Variants in VWA8 observed in about 807,000 individuals in gnomAD.
VWA8 encodes the protein von Willebrand factor A domain-containing protein 8.
Under a neutral mutation model 241.5 loss-of-function variants are expected in VWA8, and 221 were observed. The ratio of observed to expected loss-of-function variants is 0.91; its 90% CI spans 0.82 to 1.02. The LOEUF is 1.02. VWA8 is among the 50% of genes least tolerant of loss of function. The pLI, the probability that VWA8 is intolerant of heterozygous loss-of-function variation, is 0.00. For synonymous variants in VWA8, 852 were observed against 827.1 expected (o/e 1.03, Z -0.52); for missense variants, 2,322 against 2,328.7 (o/e 1.00, Z 0.06).
chr13:41,658,507 T>C (rs2044925091), intron 37 of VWA8, among the ~76,000 whole-genome samples: 1 of 152,204 alleles, frequency 6.6e-6, no homozygotes, highest in Non-Finnish European at 1.5e-5. Flanking sequence ...CACGATTACC[T>C]CACACAGCAT....
intron 21 of VWA8, among the ~76,000 whole-genome samples, chr13:41,746,965 C>T (rs1027059368): frequency 6.6e-6 from 1 of 152,282 alleles, no homozygotes; most frequent in Admixed American, 6.5e-5. Context: ...ATGGATTCAG[C>T]ACAATAAACT....
chr13:41,841,538 G>A (rs1445026637), intron 12 of VWA8, among the ~76,000 whole-genome samples: 1 of 151,612 alleles, frequency 6.6e-6, no homozygotes, highest in Non-Finnish European at 1.5e-5. Flanking sequence ...TGTAATCCCA[G>A]CACTTTGGGA....
At chr13:41,596,400 C>T (rs187041855) in intron 40 of VWA8, among the ~76,000 whole-genome samples, 2 of 152,188 alleles carry the variant, frequency 1.3e-5, no homozygotes, top group Non-Finnish European at 1.5e-5. Context: ...AAAATATTTA[C>T]TGTTTTGGAC....
rs150531941 is a variant in VWA8 at position 41,861,524 on chromosome 13, A to G, written c.1425+4212T>C. On this transcript the variant is annotated intron_variant, in intron 12 of 44. Transcript: ENST00000379310. ...GTCAAGCTATCTTTCTTCACAGATT[A>G]TATGATTCTACACCTAAAAAACCCT... Among the ~76,000 whole-genome samples, 960 of 152,322 alleles carry G rather than the reference A, an allele frequency of 6.3e-3. 7 individuals carry two copies. The highest frequency in any genetic ancestry group is 0.022 in the African/African-American group (912 of 41,566).
chr13:41,777,147 C>T (rs1298458112), intron 20 of VWA8, among the ~76,000 whole-genome samples: 4 of 152,102 alleles, frequency 2.6e-5, no homozygotes, highest in African/African-American at 7.2e-5. Flanking sequence ...GTAACAGGTA[C>T]CATGCTAGGA....
chr13:41,811,632 A>C (rs1160094233), intron 16 of VWA8, among the ~76,000 whole-genome samples: 2 of 152,184 alleles, frequency 1.3e-5, no homozygotes, highest in East Asian at 3.8e-4. Context: ...TTACATAACA[A>C]AGGTCACACT....
At chr13:41,852,979 A>G (rs1441539801) in intron 12 of VWA8, among the ~76,000 whole-genome samples, 3 of 152,132 alleles carry the variant, frequency 2.0e-5, no homozygotes, top group African/African-American at 7.2e-5. Context: ...CATTTCTGTG[A>G]AAAATGTCAT....
chr13:41,654,569 C>T lies in VWA8; in HGVS notation c.4611+16377G>A, dbSNP rs115865225. Among the ~76,000 whole-genome samples the T allele has an allele frequency of 4.2e-3, 639 of 152,298 alleles. 6 individuals are homozygous for T. The highest frequency in any genetic ancestry group is 0.015 in the African/African-American group (621 of 41,558). ...TGCACAGTTCACACAAGAGGGTTCA[C>T]GCTCCTGTGAGAATCTACTGCTGCT... On this transcript the variant is annotated intron_variant, in intron 37 of 44. Transcript: ENST00000379310.
chr13:41,769,444 T>C (rs974425199), intron 20 of VWA8, among the ~76,000 whole-genome samples: 1 of 152,232 alleles, frequency 6.6e-6, no homozygotes, highest in Non-Finnish European at 1.5e-5. Flanking sequence ...TCATTGAGGC[T>C]GGGTGATGAA....
intron 24 of VWA8, among the ~76,000 whole-genome samples, chr13:41,726,010 T>G (rs1044337034): frequency 2.0e-5 from 3 of 152,234 alleles, no homozygotes. Context: ...AGAAATTCTA[T>G]GCATATACAA....
intron 44 of VWA8, among the ~76,000 whole-genome samples, chr13:41,569,645 A>ATT (rs769186344): frequency 0.011 from 1,607 of 140,082 alleles, 27 homozygotes; most frequent in African/African-American, 0.039. Context: ...TTAGGCAGGG[A>ATT]TTTTTTTTTT....
chr13:41,634,490 A>G (rs919681052), intron 37 of VWA8, among the ~76,000 whole-genome samples: 2 of 152,190 alleles, frequency 1.3e-5, no homozygotes, highest in East Asian at 3.8e-4. Context: ...TAATATAGAT[A>G]GAGTTTGAGG....
chr13:41,830,499 T>C, intron 14 of VWA8, 30 bp downstream of exon 14: 1 of 1,512,014 alleles, frequency 6.6e-7, no homozygotes, highest in Non-Finnish European at 9.1e-7. Context: ...AACAATAAAT[T>C]AGCAATGGGA....
chr13:41,883,856 T>C (rs1566493844), intron 8 of VWA8, among the ~76,000 whole-genome samples: 1 of 152,212 alleles, frequency 6.6e-6, no homozygotes, highest in South Asian at 2.1e-4. Flanking sequence ...CTCTACCTTA[T>C]TCATCCCAAA....
chr13:41,837,166 C>T lies in VWA8; in HGVS notation c.1426-3635G>A, dbSNP rs186700922. ...AACTCCTGGCCTCCAGCAATCCTCA[C>T]ACTTCAGCCTCCCAAAGTGGCAAGA... is the stretch of plus-strand genomic sequence containing the variant. On this transcript the variant is annotated intron_variant, in intron 12 of 44. Coordinates refer to ENST00000379310, the MANE Select transcript of VWA8 (RefSeq NM_015058.2). Among the ~76,000 whole-genome samples the T allele has an allele frequency of 9.2e-5, 14 of 152,278 alleles. No homozygotes were observed. The East Asian group carries it at 2.7e-3, about 29-fold the overall frequency.
At chr13:41,623,173 C>T (rs2044668288) in intron 37 of VWA8, among the ~76,000 whole-genome samples, 1 of 152,070 alleles carries the variant, frequency 6.6e-6, no homozygotes, top group African/African-American at 2.4e-5. Context: ...TTGTCCCCTC[C>T]AACACACACA....
At chr13:41,711,736 T>G (rs1264019651) in intron 26 of VWA8, among the ~76,000 whole-genome samples, 1 of 151,914 alleles carries the variant, frequency 6.6e-6, no homozygotes, top group South Asian at 2.1e-4. Context: ...TAGCGGGGCG[T>G]GGTGGCGGGT....
chr13:41,719,529 T>G, intron 26 of VWA8, 62 bp downstream of exon 26: 1 of 1,604,836 alleles, frequency 6.2e-7, no homozygotes, highest in Non-Finnish European at 8.5e-7. Flanking sequence ...TTTTGTAGAA[T>G]GGAATGATAA....
chr13:41,729,731 A>C, intron 22 of VWA8, 54 bp from the exon 23 acceptor site: 1 of 1,578,704 alleles, frequency 6.3e-7, no homozygotes, highest in South Asian at 1.2e-5. Context: ...GCCATTATTA[A>C]AACTTCATTA....
Sources: gnomAD v4.1 joint callset for allele counts (sites outside exome capture counted in the v4.1 genomes callset) on GRCh38, gnomAD v4.1.1 for gene constraint, MANE v1.5 for transcripts, NCBI Gene and HGNC (gene_info 2026-07-23, HGNC 2026-07-21) for gene names.